Variants in PDE4B observed in about 807,000 individuals in gnomAD.
PDE4B encodes phosphodiesterase 4B, also known as 3',5'-cyclic-AMP phosphodiesterase 4B.
A neutral mutation model predicts 82.2 loss-of-function variants in PDE4B; 20 were observed. The observed-to-expected ratio is 0.24, with a 90% CI of 0.17 to 0.35. The LOEUF is 0.35. Among genes scored for constraint, PDE4B ranks in the 10% least tolerant of loss-of-function variants. PDE4B has a pLI of 1.00. For missense variants in PDE4B, 655 were observed against 907.2 expected, an observed-to-expected ratio of 0.72 and a Z score of 3.57; for synonymous variants, 320 against 318.9, an observed-to-expected ratio of 1.00 and a Z score of -0.04.
chr1:65,849,745 G>C (rs1209462033), intron 1 of PDE4B, among the ~76,000 whole-genome samples: 1 of 152,166 alleles, frequency 6.6e-6, no homozygotes, highest in African/African-American at 2.4e-5. Context: ...TGCATTTTGA[G>C]AGCCTGATGC....
intron 3 of PDE4B, among the ~76,000 whole-genome samples, chr1:66,099,447 G>C (rs1211008571): frequency 6.6e-6 from 1 of 152,080 alleles, no homozygotes; most frequent in African/African-American, 2.4e-5. Context: ...ATGTATTGAA[G>C]TAATACATTA....
At chr1:65,988,876 T>C (rs1651095909) in intron 3 of PDE4B, among the ~76,000 whole-genome samples, 2 of 152,078 alleles carry the variant, frequency 1.3e-5, no homozygotes, top group African/African-American at 2.4e-5. Context: ...CTTTTAAAGT[T>C]TGAAGGATAT....
intron 1 of PDE4B, among the ~76,000 whole-genome samples, chr1:65,881,966 T>C (rs1161262318): frequency 6.6e-6 from 1 of 152,200 alleles, no homozygotes; most frequent in Non-Finnish European, 1.5e-5. Context: ...GAATTTGTTC[T>C]TCAACAATTA....
At chr1:65,871,042 G>A (rs1646567010) in intron 1 of PDE4B, among the ~76,000 whole-genome samples, 1 of 152,190 alleles carries the variant, frequency 6.6e-6, no homozygotes, top group South Asian at 2.1e-4. Flanking sequence ...ATCTTGGGCA[G>A]AATATTTAGA....
chr1:66,203,747 A>C (rs1477512903), intron 3 of PDE4B, among the ~76,000 whole-genome samples: 1 of 151,942 alleles, frequency 6.6e-6, no homozygotes, highest in Non-Finnish European at 1.5e-5. Flanking sequence ...TTATCCATTC[A>C]TCTAATTTTT....
chr1:65,854,916 A>T (rs961195532), intron 1 of PDE4B, among the ~76,000 whole-genome samples: 1 of 151,218 alleles, frequency 6.6e-6, no homozygotes, highest in Non-Finnish European at 1.5e-5. Context: ...CTCCATTTGG[A>T]TATTCTTTTT....
At chr1:66,191,543 G>A (rs577926) in intron 3 of PDE4B, among the ~76,000 whole-genome samples, 75,647 of 151,982 alleles carry the variant, frequency 0.5, 19,570 homozygotes, top group South Asian at 0.63. Context: ...GATTACTGTC[G>A]AGTCAATAGA....
At chr1:66,164,347 C>A (rs1646676341) in intron 3 of PDE4B, among the ~76,000 whole-genome samples, 1 of 151,546 alleles carries the variant, frequency 6.6e-6, no homozygotes, top group African/African-American at 2.4e-5. Flanking sequence ...CCAGCCTGGC[C>A]AACATGGTGA....
At chr1:66,005,232 G>T (rs7522876) in intron 3 of PDE4B, among the ~76,000 whole-genome samples, 31,591 of 151,908 alleles carry the variant, frequency 0.21, 4,045 homozygotes, top group East Asian at 0.38. Flanking sequence ...TGAGAGACTG[G>T]AGACAGGAGA....
intron 3 of PDE4B, among the ~76,000 whole-genome samples, chr1:66,175,040 A>G (rs1557610571): frequency 6.6e-6 from 1 of 152,166 alleles, no homozygotes; most frequent in Non-Finnish European, 1.5e-5. Flanking sequence ...ACCTGCCCCT[A>G]TGATCCAATC....
intron 3 of PDE4B, among the ~76,000 whole-genome samples, chr1:66,226,854 G>A (rs192830211): frequency 6.6e-6 from 1 of 152,250 alleles, no homozygotes; most frequent in Non-Finnish European, 1.5e-5. Flanking sequence ...TCAAAGAATG[G>A]AAACAAGAAG....
At chr1:66,000,344 A>G (rs1651797255) in intron 3 of PDE4B, among the ~76,000 whole-genome samples, 1 of 152,230 alleles carries the variant, frequency 6.6e-6, no homozygotes, top group Non-Finnish European at 1.5e-5. Context: ...AACATTTACA[A>G]TATTAACTCT....
chr1:66,093,895 T>A (rs116191081), intron 3 of PDE4B, among the ~76,000 whole-genome samples: 3,397 of 152,084 alleles, frequency 0.022, 54 homozygotes, highest in Non-Finnish European at 0.034. Context: ...GACCCAGAAA[T>A]CATTTGGGCC....
intron 13 of PDE4B, among the ~76,000 whole-genome samples, chr1:66,366,115 G>T (rs1176690154): frequency 3.9e-5 from 6 of 152,060 alleles, no homozygotes; most frequent in Admixed American, 3.3e-4. Flanking sequence ...CAAAACTCTC[G>T]CACAGAGCAT....
In PDE4B at chr1:65,802,991, T is replaced by C. The variant is rs144461855; in HGVS notation, c.-71+9743T>C. ...AATGTATTTGTGTACTATTTATTTA[T>C]AAAATGTTATGCTTTTTTGTTTTCC... On this transcript the variant is annotated intron_variant, in intron 1 of 16. Coordinates refer to ENST00000341517, the MANE Select transcript of PDE4B (RefSeq NM_002600.4). 3.0e-3 allele frequency among the ~76,000 whole-genome samples: 457 copies of C among 152,304 alleles called. 3 individuals carry two copies. Among genetic ancestry groups the C allele is most frequent in the African/African-American group, 0.01 (431 of 41,576 alleles).
intron 7 of PDE4B, among the ~76,000 whole-genome samples, chr1:66,327,166 C>T (rs769993580): frequency 6.6e-6 from 1 of 152,196 alleles, no homozygotes; most frequent in Non-Finnish European, 1.5e-5. Context: ...CCCAACAGGA[C>T]TCTGCTAACT....
chr1:66,161,019 C>G (rs913075478), intron 3 of PDE4B, among the ~76,000 whole-genome samples: 2 of 151,364 alleles, frequency 1.3e-5, no homozygotes, highest in Non-Finnish European at 2.9e-5. Context: ...TTTTAAAATA[C>G]CCAGAAACAA....
intron 7 of PDE4B, among the ~76,000 whole-genome samples, chr1:66,287,924 T>C (rs1236568786): frequency 6.6e-6 from 1 of 152,024 alleles, no homozygotes; most frequent in Non-Finnish European, 1.5e-5. Context: ...CAGTGAGCTA[T>C]GATTGTGCCA....
At chr1:66,225,975 G>A (rs1369793563) in intron 3 of PDE4B, among the ~76,000 whole-genome samples, 1 of 152,168 alleles carries the variant, frequency 6.6e-6, no homozygotes, top group African/African-American at 2.4e-5. Context: ...ACTTGCTTAT[G>A]TGCATACTGA....
Sources: gnomAD v4.1 joint callset for allele counts (sites outside exome capture counted in the v4.1 genomes callset) on GRCh38, gnomAD v4.1.1 for gene constraint, MANE v1.5 for transcripts, NCBI Gene and HGNC (gene_info 2026-07-23, HGNC 2026-07-21) for gene names.